The following DGKB variants were observed in gnomAD, a reference collection of about 807,000 sequenced individuals.
DGKB encodes the protein 90 kDa diacylglycerol kinase.
Under a neutral mutation model 114.3 loss-of-function variants are expected in DGKB, and 67 were observed. That is an observed-to-expected ratio of 0.59 (90% CI 0.48 to 0.72). The LOEUF (loss-of-function observed/expected upper bound fraction) is 0.72. Ranked by LOEUF, DGKB falls within the 30% of genes least tolerant of loss-of-function variation. The probability of loss-of-function intolerance (pLI) is 0.00; values close to 1 mark genes in which losing one functional copy is unlikely to be tolerated. For synonymous variants in DGKB, 398 were observed against 323.1 expected (o/e 1.23, Z -2.49); for missense variants, 907 against 975.2 (o/e 0.93, Z 0.93).
chr7:14,450,537 G>C (rs1306365014), intron 21 of DGKB, among the ~76,000 whole-genome samples: 2 of 152,076 alleles, frequency 1.3e-5, no homozygotes, highest in African/African-American at 2.4e-5. Context: ...CATGGGATTA[G>C]AGAGACAAGA....
At chr7:14,526,826 C>T (rs1455397761) in intron 20 of DGKB, among the ~76,000 whole-genome samples, 1 of 152,094 alleles carries the variant, frequency 6.6e-6, no homozygotes, top group African/African-American at 2.4e-5. Context: ...CACACACAGA[C>T]ACACACACAT....
intron 1 of DGKB, among the ~76,000 whole-genome samples, chr7:14,955,331 A>G (rs1032701042): frequency 2.6e-5 from 4 of 152,014 alleles, no homozygotes; most frequent in Non-Finnish European, 5.9e-5. Context: ...AATTTCCTTC[A>G]TAAGAATCTC....
intron 20 of DGKB, among the ~76,000 whole-genome samples, chr7:14,495,715 G>C (rs1163156328): frequency 6.6e-6 from 1 of 151,752 alleles, no homozygotes; most frequent in African/African-American, 2.4e-5. Context: ...GCTGCCTGTA[G>C]TGTCTCTTTA....
At chr7:14,743,290 A>G (rs1409734694) in intron 4 of DGKB, among the ~76,000 whole-genome samples, 2 of 152,220 alleles carry the variant, frequency 1.3e-5, no homozygotes, top group Non-Finnish European at 2.9e-5. Flanking sequence ...TGCCTTGTAA[A>G]TAGACTGCCA....
At chr7:14,701,934 C>A (rs1202941231) in intron 6 of DGKB, among the ~76,000 whole-genome samples, 3 of 152,072 alleles carry the variant, frequency 2.0e-5, no homozygotes, top group Non-Finnish European at 4.4e-5. Context: ...AGCATAAAGT[C>A]TATCAAATTT....
At chr7:14,371,146 T>C (rs760229178) in intron 21 of DGKB, among the ~76,000 whole-genome samples, 62 of 152,130 alleles carry the variant, frequency 4.1e-4, no homozygotes, top group Non-Finnish European at 1.5e-4. Context: ...GCAGGTGTCT[T>C]TTTGGTAGAA....
chr7:14,457,505 G>T (rs1832452457), intron 21 of DGKB, among the ~76,000 whole-genome samples: 1 of 152,080 alleles, frequency 6.6e-6, no homozygotes, highest in Admixed American at 6.6e-5. Flanking sequence ...TTTCTAAACT[G>T]AATTACTTAT....
chr7:14,587,295 G>A (rs1007990558), intron 17 of DGKB, among the ~76,000 whole-genome samples: 1 of 152,084 alleles, frequency 6.6e-6, no homozygotes, highest in Non-Finnish European at 1.5e-5. Context: ...AAGTAGAATT[G>A]TAAGTGGAGG....
intron 4 of DGKB, among the ~76,000 whole-genome samples, chr7:14,739,467 C>A (rs535329139): frequency 6.6e-6 from 1 of 152,136 alleles, no homozygotes; most frequent in African/African-American, 2.4e-5. Context: ...GGTGGAAACC[C>A]GAATGCAGGA....
chr7:14,781,762 C>CT (rs1308940864), intron 2 of DGKB, among the ~76,000 whole-genome samples: 2 of 152,144 alleles, frequency 1.3e-5, no homozygotes. Context: ...ACATATAACT[C>CT]TGGGCTTATC....
At chr7:14,573,014 G>T (rs887978048) in intron 20 of DGKB, among the ~76,000 whole-genome samples, 1 of 152,116 alleles carries the variant, frequency 6.6e-6, no homozygotes, top group Non-Finnish European at 1.5e-5. Flanking sequence ...AAATGGGCAT[G>T]AGGGTTCTGA....
Position 14,338,555 on chromosome 7 carries a change from G to T in DGKB, c.2082C>A (p.Thr694=), listed in dbSNP as rs1458960523. Reference sequence around the variant, plus strand: ...TCAACTCTTTGGCATCTGTGACGGTGGTCCTTTTGTCAGACCCTTTTTTCT... The same window carrying T: ...TCAACTCTTTGGCATCTGTGACGGTTGTCCTTTTGTCAGACCCTTTTTTCT... ...RIEKKGSDKR[T]TVTDAKELKF... Residue 694 remains threonine, a synonymous_variant, in exon 23 of 26, where the codon ACC becomes ACA. Transcript: ENST00000402815. The T allele has an allele frequency of 6.3e-7, 1 of 1,594,740 alleles. No homozygotes were observed. Among genetic ancestry groups the T allele is most frequent in the East Asian group, 2.3e-5 (1 of 44,132 alleles).
intron 23 of DGKB, among the ~76,000 whole-genome samples, chr7:14,312,801 G>T (rs543169564): frequency 6.6e-6 from 1 of 152,168 alleles, no homozygotes; most frequent in Non-Finnish European, 1.5e-5. Flanking sequence ...ACAACTGACA[G>T]TATTTGTTCC....
intron 20 of DGKB, among the ~76,000 whole-genome samples, chr7:14,491,448 C>T (rs192089266): frequency 6.6e-6 from 1 of 151,988 alleles, no homozygotes; most frequent in Non-Finnish European, 1.5e-5. Flanking sequence ...TCAGGTATGT[C>T]TTTATTTGCA....
At chr7:14,805,445 G>A (rs1704250146) in intron 2 of DGKB, among the ~76,000 whole-genome samples, 1 of 151,980 alleles carries the variant, frequency 6.6e-6, no homozygotes, top group South Asian at 2.1e-4. Context: ...TCATTAACTG[G>A]TTAAATTCAT....
At chr7:14,809,724 A>G (rs959063385) in intron 2 of DGKB, among the ~76,000 whole-genome samples, 5 of 152,182 alleles carry the variant, frequency 3.3e-5, no homozygotes, top group Non-Finnish European at 7.3e-5. Context: ...TTCAGTGCCA[A>G]TGGTGTAGCA....
intron 4 of DGKB, 79 bp from the exon 5 acceptor site, chr7:14,736,273 A>C: frequency 1.1e-6 from 1 of 932,834 alleles, no homozygotes; most frequent in South Asian, 2.1e-5. Context: ...AAATCATTAG[A>C]AGTAGAAATG....
intron 1 of DGKB, among the ~76,000 whole-genome samples, chr7:14,951,977 G>C (rs936593432): frequency 2.6e-5 from 4 of 152,026 alleles, no homozygotes; most frequent in Admixed American, 6.6e-5. Flanking sequence ...ATATGCTGAA[G>C]TCTTAACTCT....
intron 9 of DGKB, among the ~76,000 whole-genome samples, chr7:14,689,064 T>C (rs1003539595): frequency 6.6e-6 from 1 of 151,996 alleles, no homozygotes; most frequent in African/African-American, 2.4e-5. Flanking sequence ...ACTTAACTTA[T>C]ATAGAGAGAG....
Sources: allele counts gnomAD v4.1 joint callset (sites outside exome capture counted in the v4.1 genomes callset), GRCh38; gene constraint gnomAD v4.1.1; transcripts MANE v1.5; gene names NCBI Gene and HGNC (gene_info 2026-07-23, HGNC 2026-07-21).